Variants in VILL observed in about 807,000 individuals in gnomAD.
The protein encoded by VILL is villin-like protein.
A neutral mutation model predicts 106.3 loss-of-function variants in VILL; 102 were observed. That is an observed-to-expected ratio of 0.96 (90% CI 0.82 to 1.13). The LOEUF (loss-of-function observed/expected upper bound fraction) is 1.13. VILL is among the 50% of genes most tolerant of loss of function. VILL has a pLI of 0.00. For synonymous variants in VILL, 431 were observed against 440.3 expected (o/e 0.98, Z 0.27); for missense variants, 1,076 against 1,116.6 (o/e 0.96, Z 0.52).
intron 4 of VILL, 109 bp downstream of exon 4, chr3:37,994,575 G>A (rs1575333912): frequency 7.7e-7 from 1 of 1,303,402 alleles, no homozygotes; most frequent in Non-Finnish European, 1.1e-6. Flanking sequence ...AAGCCGGGAG[G>A]GGTTGGGTAA....
At chr3:38,003,596 AC>A (rs1383561600) in intron 15 of VILL, 1 of 422,694 alleles carries the variant, frequency 2.4e-6, no homozygotes, top group Non-Finnish European at 4.4e-6. Flanking sequence ...GGGACAAAGC[AC>A]CCTTCCCCAC....
chr3:37,995,594 C>G (rs116437774), intron 4 of VILL, 145 bp from the exon 5 acceptor site: 1 of 632,582 alleles, frequency 1.6e-6, no homozygotes, highest in African/African-American at 1.8e-5. Context: ...TGTACTTATA[C>G]ATACATGTGT....
At position 38,001,501 on chromosome 3, in the gene VILL, C is replaced by T. The variant is rs1699815365; in HGVS notation, c.1228C>T (p.Arg410Cys). 12 of 1,614,222 alleles carry T rather than the reference C, an allele frequency of 7.4e-6. No individual in the cohort carries two copies. The highest frequency in any genetic ancestry group is 2.2e-5 in the East Asian group (1 of 44,888). Residue 410 changes from arginine (R) to cysteine (C), a missense_variant, in exon 12 of 20, where the codon CGT (arginine) becomes TGT (cysteine). Physicochemically the swap from Arg to Cys is radical, Grantham distance 180. Coordinates refer to ENST00000383759, the MANE Select transcript of VILL (RefSeq NM_015873.4). ...ACACAGGCAGCCCGTGGACCCCAAG[C>T]GTCATGGACAGCTGTGTGCAGGCAA... ...DLHRQPVDPK[R>C]HGQLCAGNCY...
At chr3:37,994,044 T>A in intron 3 of VILL, 72 bp downstream of exon 3, 4 of 1,579,090 alleles carry the variant, frequency 2.5e-6, no homozygotes, top group Non-Finnish European at 3.5e-6. Context: ...GGCACAGGCA[T>A]AAACTCTGCC....
chr3:37,999,293 G>C, intron 10 of VILL, 46 bp from the exon 11 acceptor site: 1 of 1,300,342 alleles, frequency 7.7e-7, no homozygotes, highest in Non-Finnish European at 1.0e-6. Context: ...AGATGGTGTT[G>C]GGGGGGGGCA....
In VILL at chr3:38,006,544, G is replaced by T. The variant is rs2364782; in HGVS notation, c.2301G>T (p.Glu767Asp). Residue 767 changes from glutamate to aspartate, a missense_variant, in exon 19 of 20, where the codon GAG becomes GAT. Glu to Asp is a conservative substitution (Grantham distance 45). Coordinates refer to ENST00000383759, the MANE Select transcript of VILL (RefSeq NM_015873.4). ...TCAAGGGCTCCCAGGACAGCTCAGA[G>T]AATGATCTGGTGCGAAGCCCCAAGT... ...QALKGSQDSS[E>D]NDLVRSPKSA... 1 of 1,614,178 alleles carries T rather than the reference G, an allele frequency of 6.2e-7. No individual in the cohort carries two copies. The highest frequency in any genetic ancestry group is 8.5e-7 in the Non-Finnish European group (1 of 1,180,022).
chr3:38,005,982 A>G lies in VILL; in HGVS notation c.2133+8A>G. The G allele has an allele frequency of 1.2e-6, 2 of 1,606,928 alleles. No individual in the cohort carries two copies. Among genetic ancestry groups the G allele is most frequent in the African/African-American group, 1.3e-5 (1 of 74,950 alleles). On this transcript the variant is annotated splice_region_variant and intron_variant, in intron 17 of 19. Coordinates refer to ENST00000383759, the MANE Select transcript of VILL (RefSeq NM_015873.4). Reference sequence around the variant, plus strand: ...GACCCCTACAAGTGGACTGTGAGTGAGGCCTGAAACCCCCAGCCCTACCCT... The same window carrying G: ...GACCCCTACAAGTGGACTGTGAGTGGGGCCTGAAACCCCCAGCCCTACCCT...
intron 1 of VILL, chr3:37,993,332 A>C: frequency 6.6e-6 from 2 of 301,934 alleles, no homozygotes; most frequent in Non-Finnish European, 6.3e-6. Flanking sequence ...AAGCGGGAAG[A>C]TCACTTGAAC....
At chr3:38,002,285 C>T in intron 13 of VILL, 111 bp from the exon 14 acceptor site, 1 of 1,040,070 alleles carries the variant, frequency 9.6e-7, no homozygotes, top group South Asian at 1.6e-5. Flanking sequence ...CAGTGAGGGC[C>T]TTGATGGCTT....
intron 18 of VILL, 46 bp from the exon 19 acceptor site, chr3:38,006,403 C>T (rs1376532284): frequency 2.5e-6 from 4 of 1,579,738 alleles, no homozygotes; most frequent in Non-Finnish European, 3.5e-6. Context: ...TCCCTGTGGG[C>T]TACTGATTCC....
rs139256551 is a variant in VILL, at chr3:38,003,187, G to A, written c.1679G>A (p.Arg560His). ...TGCTAGGGCTGTAATGGTGATCAGCGTGAGATGGCACGGGTGGTGGTCACT... is the reference window on the plus strand; with the variant it reads ...TGCTAGGGCTGTAATGGTGATCAGCATGAGATGGCACGGGTGGTGGTCACT... Reference protein sequence around the residue: ...WFGKGCNGDQREMARVVVTVI... With the variant: ...WFGKGCNGDQHEMARVVVTVI... The change falls in exon 15 of 20, where the codon CGT (arginine) becomes CAT (histidine). Residue 560 changes from arginine to histidine, a missense_variant. By Grantham distance (29) the Arg-to-His change is conservative. Coordinates refer to ENST00000383759, the MANE Select transcript of VILL (RefSeq NM_015873.4). The A allele has an allele frequency of 2.2e-5, 36 of 1,613,892 alleles. No individual in the cohort carries two copies. Among genetic ancestry groups the A allele is most frequent in the Admixed American group, 6.7e-5 (4 of 59,994 alleles).
chr3:37,999,156 C>CG, intron 10 of VILL, 106 bp downstream of exon 10: 1 of 141,224 alleles, frequency 7.1e-6, no homozygotes. Context: ...GGGGCGGGGC[C>CG]GGAGGGGGCG....
chr3:38,001,561 G>C lies in VILL; in HGVS notation c.1288G>C (p.Gly430Arg), dbSNP rs1699816763. Residue 430 changes from glycine (G) to arginine (R), a missense_variant, in exon 12 of 20, where the codon GGC becomes CGC. Coordinates refer to ENST00000383759, the MANE Select transcript of VILL (RefSeq NM_015873.4). ...TGTGCTCTACACATACCAGAGGCTG[G>C]GCCGTGTCCAGTACATCCTGTACCT... Reference protein sequence around the residue: ...YLVLYTYQRLGRVQYILYLWQ... With the variant: ...YLVLYTYQRLRRVQYILYLWQ... The C allele has an allele frequency of 6.2e-7, 1 of 1,614,092 alleles. No homozygotes were observed. Among genetic ancestry groups the C allele is most frequent in the African/African-American group, 1.3e-5 (1 of 74,946 alleles).
rs542814145 is a variant in VILL, at chr3:38,002,131, C to T, written c.1480-265C>T. ...ACTAGCAAACCTGGTCCCCACTTTC[C>T]ACCTCCAAGGCCTGAGCACCCATGC... On this transcript the variant is annotated intron_variant, in intron 13 of 19. Coordinates refer to ENST00000383759, the MANE Select transcript of VILL (RefSeq NM_015873.4). 141 of 648,160 alleles carry T rather than the reference C, an allele frequency of 2.2e-4. 1 individual carries two copies. In the East Asian group the frequency reaches 3.7e-3, roughly 17 times the overall value. 40.2% of individuals were successfully genotyped at this position (648,160 alleles called of 1,614,324 possible).
At chr3:37,999,549 C>A in intron 11 of VILL, 110 bp downstream of exon 11, 2 of 754,780 alleles carry the variant, frequency 2.6e-6, no homozygotes, top group Non-Finnish European at 4.1e-6. Flanking sequence ...CATCCACACA[C>A]AATCAGGGAC....
chr3:37,999,020 C>A lies in VILL; in HGVS notation c.1051C>A (p.Arg351=). The A allele has an allele frequency of 6.6e-7, 1 of 1,512,384 alleles. No individual in the cohort carries two copies. The allele number at this position is 1,512,384 out of a possible 1,614,324, so 93.7% of individuals were successfully genotyped here. A position where few individuals can be genotyped will look rare whatever the true frequency, so the allele number is the denominator to read the frequency against. The change falls in exon 10 of 20, where the codon CGG becomes AGG. Residue 351 remains arginine, a synonymous_variant. Coordinates refer to ENST00000383759, the MANE Select transcript of VILL (RefSeq NM_015873.4). ...GCTCTTCCGGACTTGGTCTGAGAAG[C>A]GGCGCAGGAACCAGAAGCTCGGCGG... The part of the protein sequence containing the change: ...KQLFRTWSEK[R]RRNQKLGGRD...
At chr3:37,996,629 T>TC (rs1699706515) in intron 5 of VILL, among the ~76,000 whole-genome samples, 1 of 152,128 alleles carries the variant, frequency 6.6e-6, no homozygotes, top group South Asian at 2.1e-4. Flanking sequence ...TGACCATACA[T>TC]CTCTGGTCAT....
In VILL at chr3:37,994,326, G is replaced by A. The variant is rs35149034; in HGVS notation, c.201G>A (p.Gln67=). The change falls in exon 4 of 20, where the codon CAG becomes CAA. Residue 67 remains glutamine (Q), a synonymous_variant. Coordinates refer to ENST00000383759, the MANE Select transcript of VILL (RefSeq NM_015873.4). ...SSDLHYWVGK[Q]AGAEAQGAAE... ...ACCTGCACTACTGGGTCGGGAAGCA[G>A]GCGGGTGCGGAAGCGCAGGGCGCTG... is the stretch of plus-strand genomic sequence containing the variant. 6.2e-7 allele frequency: 1 copy of A among 1,611,612 alleles called. No individual in the cohort carries two copies. Among genetic ancestry groups the A allele is most frequent in the Non-Finnish European group, 8.5e-7 (1 of 1,179,748 alleles).
rs1427516011 is a variant in VILL at position 37,994,255 on chromosome 3, C to T, written c.136-6C>T. On this transcript the variant is annotated splice_polypyrimidine_tract_variant and splice_region_variant and intron_variant, in intron 3 of 19. Coordinates refer to ENST00000383759, the MANE Select transcript of VILL (RefSeq NM_015873.4). ...CAACACATATACACAAACACCCGGA[C>T]CCTAGGTCCCCCAGAGCCCGAAGGC... is the stretch of plus-strand genomic sequence containing the variant. 1.2e-5 allele frequency: 20 copies of T among 1,602,858 alleles called. No homozygotes were observed. Among genetic ancestry groups the T allele is most frequent in the Non-Finnish European group, 1.7e-5 (20 of 1,177,278 alleles).
Sources: gnomAD v4.1 joint callset for allele counts (sites outside exome capture counted in the v4.1 genomes callset) on GRCh38, gnomAD v4.1.1 for gene constraint, MANE v1.5 for transcripts, NCBI Gene and HGNC (gene_info 2026-07-23, HGNC 2026-07-21) for gene names.